The following MYLK4 variants were observed in gnomAD, a reference collection of about 807,000 sequenced individuals.
MYLK4 encodes caMLCK like.
In MYLK4, 46 loss-of-function variants were observed where a neutral mutation model predicts 48.1. The ratio of observed to expected loss-of-function variants is 0.96; its 90% confidence interval spans 0.75 to 1.22. MYLK4 has a LOEUF of 1.22. Ranked by LOEUF, MYLK4 falls within the 50% of genes most tolerant of loss-of-function variation. The pLI, the probability that MYLK4 is intolerant of heterozygous loss-of-function variation, is 0.00. For synonymous variants in MYLK4, 170 were observed against 180.8 expected, an observed-to-expected ratio of 0.94 and a Z score of 0.48; for missense variants, 451 against 486.1, an observed-to-expected ratio of 0.93 and a Z score of 0.68.
upstream of MYLK4, among the ~76,000 whole-genome samples, chr6:2,753,264 C>T (rs139025272): frequency 6.6e-6 from 1 of 152,080 alleles, no homozygotes; most frequent in East Asian, 1.9e-4. Context: ...GAAACATCGT[C>T]GACAGCTCTT....
chr6:2,717,302 C>A (rs1227640204), intron 2 of MYLK4, among the ~76,000 whole-genome samples: 2 of 151,668 alleles, frequency 1.3e-5, no homozygotes, highest in East Asian at 3.9e-4. Context: ...AAGTTCACAC[C>A]TGATCAAACA....
At chr6:2,729,292 A>C (rs948306855) in intron 2 of MYLK4, among the ~76,000 whole-genome samples, 1 of 152,344 alleles carries the variant, frequency 6.6e-6, no homozygotes, top group Non-Finnish European at 1.5e-5. Context: ...CACTGGGGCC[A>C]GGAGGATGAG....
At chr6:2,750,482 A>C (rs1378459656) in intron 1 of MYLK4, among the ~76,000 whole-genome samples, 1 of 152,240 alleles carries the variant, frequency 6.6e-6, no homozygotes, top group Non-Finnish European at 1.5e-5. Flanking sequence ...ATAAGGAAAC[A>C]AATGCATGGC....
chr6:2,684,976 G>A (rs573627299), intron 6 of MYLK4, among the ~76,000 whole-genome samples: 36 of 152,174 alleles, frequency 2.4e-4, no homozygotes, highest in African/African-American at 8.5e-4. Flanking sequence ...TGAATATGTT[G>A]AAAGTAAGAT....
chr6:2,736,356 G>T lies in MYLK4; in HGVS notation c.159+12780C>A, dbSNP rs1354229680. 2.0e-5 allele frequency among the ~76,000 whole-genome samples: 3 copies of T among 152,214 alleles called. No individual in the cohort carries two copies. The East Asian group carries it at 5.8e-4, about 29-fold the overall frequency. ...TGCAACCTCCGCCTCCCAGGTTCAAGCAAATCACCTGCCTCGGCCTCCCAA... is the reference window on the plus strand; with the variant it reads ...TGCAACCTCCGCCTCCCAGGTTCAATCAAATCACCTGCCTCGGCCTCCCAA... On this transcript the variant is annotated intron_variant, in intron 2 of 12. Transcript: ENST00000274643.
At position 2,671,450 on chromosome 6, in the gene MYLK4, G is replaced by A; in HGVS notation, c.1120-102C>T. 4 of 1,110,934 alleles carry A rather than the reference G, an allele frequency of 3.6e-6. No homozygotes were observed. In the South Asian group the frequency reaches 5.5e-5, roughly 15 times the overall value. The allele number at this position is 1,110,934 out of a possible 1,614,324, so 68.8% of individuals were successfully genotyped here. ...GACAATCACTTGCTACTGAGGAGAA[G>A]GTGCTCTTCAAGAGAAGTTCTTGAA... is the stretch of plus-strand genomic sequence containing the variant. On this transcript the variant is annotated intron_variant, in intron 11 of 12. Transcript: ENST00000274643.
chr6:2,730,795 A>C (rs1237953223), intron 2 of MYLK4, among the ~76,000 whole-genome samples: 2 of 152,174 alleles, frequency 1.3e-5, no homozygotes, highest in African/African-American at 2.4e-5. Context: ...TATTTCCAGG[A>C]AACGAGTTTT....
chr6:2,706,231 G>GAAGA (rs529532983), intron 2 of MYLK4, among the ~76,000 whole-genome samples: 27 of 152,246 alleles, frequency 1.8e-4, no homozygotes, highest in African/African-American at 6.3e-4. Flanking sequence ...GTGATGTTTA[G>GAAGA]AAGAGTAGGC....
At chr6:2,760,151 A>T in the MYLK4 span, among the ~76,000 whole-genome samples, 1 of 152,158 alleles carries the variant, frequency 6.6e-6, no homozygotes, top group South Asian at 2.1e-4. Context: ...TACAAAAAAT[A>T]ATACAAATAA....
chr6:2,684,768 T>C (rs1761461530), intron 6 of MYLK4, among the ~76,000 whole-genome samples: 2 of 152,218 alleles, frequency 1.3e-5, no homozygotes, highest in East Asian at 1.9e-4. Context: ...CAAAAGACTA[T>C]GCCATTTTAT....
intron 2 of MYLK4, among the ~76,000 whole-genome samples, chr6:2,709,789 C>T (rs1321165653): frequency 1.3e-5 from 2 of 152,154 alleles, no homozygotes; most frequent in African/African-American, 4.8e-5. Context: ...CAAGATTTCC[C>T]TTTCAGGTTT....
intron 2 of MYLK4, among the ~76,000 whole-genome samples, chr6:2,724,159 T>G (rs1289891152): frequency 1.3e-5 from 2 of 152,196 alleles, no homozygotes; most frequent in African/African-American, 4.8e-5. Context: ...ATTACAGGCA[T>G]GAGCCACCAT....
intron 2 of MYLK4, among the ~76,000 whole-genome samples, chr6:2,722,552 T>TGTGTGTGC (rs1430778193): frequency 4.6e-4 from 67 of 145,526 alleles, no homozygotes; most frequent in Non-Finnish European, 6.6e-4. Flanking sequence ...TGTGTGTGTG[T>TGTGTGTGC]GTGTTGGAGG....
chr6:2,763,419 A>G, the MYLK4 span, among the ~76,000 whole-genome samples: 1 of 152,324 alleles, frequency 6.6e-6, no homozygotes, highest in Non-Finnish European at 1.5e-5. Flanking sequence ...TGGGCCGCGC[A>G]GGAGTCCCCA....
chr6:2,749,333 G>T lies in MYLK4; in HGVS notation c.-39C>A. On this transcript the variant is annotated 5_prime_UTR_variant, in exon 2 of 13. Coordinates refer to ENST00000274643, the MANE Select transcript of MYLK4 (RefSeq NM_001012418.5). Reference sequence around the variant, plus strand: ...CCGATTAAGCTACTTTCTGGAGTGTGGTTTTCGTCTCCCTCTGTCTCCGAT... The same window carrying T: ...CCGATTAAGCTACTTTCTGGAGTGTTGTTTTCGTCTCCCTCTGTCTCCGAT... 6.4e-7 allele frequency: 1 copy of T among 1,562,934 alleles called. No individual in the cohort carries two copies. Among genetic ancestry groups the T allele is most frequent in the South Asian group, 1.1e-5 (1 of 87,776 alleles).
chr6:2,694,232 C>T (rs1208276341), intron 2 of MYLK4, among the ~76,000 whole-genome samples: 1 of 152,032 alleles, frequency 6.6e-6, no homozygotes, highest in Admixed American at 6.5e-5. Context: ...ACGGCACTTG[C>T]CTACTTTTCC....
intron 2 of MYLK4, among the ~76,000 whole-genome samples, chr6:2,696,821 G>C (rs1288006094): frequency 6.6e-6 from 1 of 152,204 alleles, no homozygotes; most frequent in Non-Finnish European, 1.5e-5. Context: ...CAACACTTTG[G>C]GAGGCCGAGG....
At chr6:2,693,972 T>A (rs1449086969) in intron 2 of MYLK4, among the ~76,000 whole-genome samples, 10 of 152,118 alleles carry the variant, frequency 6.6e-5, no homozygotes, top group Admixed American at 6.5e-4. Flanking sequence ...TTTGCCAGAC[T>A]GGTCTTGGAC....
chr6:2,765,450 G>A, the MYLK4 span: 1 of 755,202 alleles, frequency 1.3e-6, no homozygotes, highest in Non-Finnish European at 1.8e-6. Context: ...GCGGGCGGAC[G>A]CGGGAGCTGC....
Sources: gnomAD v4.1 joint callset for allele counts (sites outside exome capture counted in the v4.1 genomes callset) on GRCh38, gnomAD v4.1.1 for gene constraint, MANE v1.5 for transcripts, NCBI Gene and HGNC (gene_info 2026-07-23, HGNC 2026-07-21) for gene names.